Variants in WDR64 observed in about 807,000 individuals in gnomAD.
The protein encoded by WDR64 is WD repeat domain 64.
In WDR64, 112 loss-of-function variants were observed where a neutral mutation model predicts 139.3. The ratio of observed to expected loss-of-function variants is 0.80; its 90% CI spans 0.69 to 0.94. The LOEUF is 0.94. Ranked by LOEUF, WDR64 falls within the 40% of genes least tolerant of loss-of-function variation. The pLI is 0.00. For missense variants in WDR64, 1,206 were observed against 1,293.1 expected (o/e 0.93, Z 1.03); for synonymous variants, 444 against 437.7 (o/e 1.01, Z -0.18).
At chr1:241,714,225 A>G (rs1049379032) in intron 9 of WDR64, among the ~76,000 whole-genome samples, 3 of 152,228 alleles carry the variant, frequency 2.0e-5, no homozygotes, top group Non-Finnish European at 4.4e-5. Context: ...CAGAAACACA[A>G]ACAAACATCA....
intron 8 of WDR64, among the ~76,000 whole-genome samples, chr1:241,689,320 C>T (rs1396465579): frequency 6.6e-6 from 1 of 152,032 alleles, no homozygotes. Flanking sequence ...AAAACAAGAC[C>T]CAACTATATG....
At chr1:241,772,169 A>G (rs1183361963) in intron 19 of WDR64, among the ~76,000 whole-genome samples, 2 of 149,102 alleles carry the variant, frequency 1.3e-5, no homozygotes, top group African/African-American at 4.9e-5. Flanking sequence ...ACCATTCTGT[A>G]TGTATAAGAT....
chr1:241,792,648 G>A (rs568951617), intron 25 of WDR64, among the ~76,000 whole-genome samples: 1 of 152,274 alleles, frequency 6.6e-6, no homozygotes, highest in African/African-American at 2.4e-5. Flanking sequence ...CCACAAAATG[G>A]TTTAAAATAA....
intron 2 of WDR64, among the ~76,000 whole-genome samples, chr1:241,662,053 T>C (rs555664774): frequency 3.5e-4 from 53 of 152,238 alleles, no homozygotes; most frequent in South Asian, 1.0e-3. Flanking sequence ...AAAAAAGATG[T>C]CTAATAAGAA....
chr1:241,751,153 C>T (rs1223540194), intron 14 of WDR64, among the ~76,000 whole-genome samples: 1 of 152,012 alleles, frequency 6.6e-6, no homozygotes, highest in African/African-American at 2.4e-5. Context: ...CCATGAAATG[C>T]ATAATTTAAT....
At chr1:241,729,739 T>C (rs569918726) in intron 10 of WDR64, among the ~76,000 whole-genome samples, 1 of 152,354 alleles carries the variant, frequency 6.6e-6, no homozygotes, top group East Asian at 1.9e-4. Flanking sequence ...ATAGAAAAAC[T>C]AACCTTTTAA....
rs753695098 is a variant in WDR64, at chr1:241,723,378, TCG to T, written c.1138_1139del (p.Ala380ArgfsTer6). On this transcript the variant is annotated frameshift_variant, in exon 10 of 28. Coordinates refer to ENST00000437684, the MANE Select transcript of WDR64 (RefSeq NM_001367482.1). LOFTEE classifies it high-confidence loss of function. ...AAACTTGTAGGACACATGTTCAGTA[TCG>T]CCGAGATCGTAACCAATGAAAAAGA... 11 of 1,613,858 alleles carry T rather than the reference TCG, an allele frequency of 6.8e-6. No homozygotes were observed. The South Asian group carries it at 1.2e-4, about 18-fold the overall frequency.
At position 241,775,127 on chromosome 1, in the gene WDR64, T is replaced by C; in HGVS notation, c.2453T>C (p.Leu818Pro). The change falls in exon 21 of 28, where the codon CTA (leucine) becomes CCA (proline). Residue 818 changes from leucine (L) to proline (P), a missense_variant. Physicochemically the swap from Leu to Pro is moderately conservative, Grantham distance 98. Transcript: ENST00000437684. ...TAGGGAAGACTACTGAAAGATATGC[T>C]ACCTTTCACAAAACATTCTGCCATT... is the stretch of plus-strand genomic sequence containing the variant. ...TLEGRLLKDM[L>P]PFTKHSAISL... 6.4e-7 allele frequency: 1 copy of C among 1,551,106 alleles called. No individual in the cohort carries two copies. Among genetic ancestry groups the C allele is most frequent in the Non-Finnish European group, 8.7e-7 (1 of 1,146,876 alleles).
chr1:241,760,175 A>G (rs1444400252), intron 15 of WDR64, among the ~76,000 whole-genome samples: 1 of 152,176 alleles, frequency 6.6e-6, no homozygotes, highest in Non-Finnish European at 1.5e-5. Context: ...GCTGCCATGA[A>G]CATGGGTGTA....
At chr1:241,663,444 C>T (rs749593209) in intron 2 of WDR64, among the ~76,000 whole-genome samples, 18 of 152,242 alleles carry the variant, frequency 1.2e-4, no homozygotes, top group Non-Finnish European at 2.5e-4. Context: ...TGGCCACCCC[C>T]TCAGAACTAG....
intron 7 of WDR64, 96 bp downstream of exon 7, chr1:241,683,797 C>T (rs1666909453): frequency 1.9e-6 from 2 of 1,076,898 alleles, no homozygotes; most frequent in South Asian, 2.1e-5. Context: ...ATTTAAATTA[C>T]AGAAAATAAG....
chr1:241,712,305 A>G (rs1668204068), intron 9 of WDR64, among the ~76,000 whole-genome samples: 1 of 152,222 alleles, frequency 6.6e-6, no homozygotes, highest in Non-Finnish European at 1.5e-5. Context: ...AAAAAGGTCA[A>G]GAGCCAATGG....
intron 11 of WDR64, among the ~76,000 whole-genome samples, chr1:241,739,102 C>A (rs950339707): frequency 6.6e-6 from 1 of 152,168 alleles, no homozygotes; most frequent in African/African-American, 2.4e-5. Flanking sequence ...TGCCTCTCGA[C>A]GAAGACCAAT....
chr1:241,795,527 T>C (rs1378585031), intron 26 of WDR64, among the ~76,000 whole-genome samples: 1 of 152,220 alleles, frequency 6.6e-6, no homozygotes, highest in Non-Finnish European at 1.5e-5. Context: ...TGTTGGCTTG[T>C]CAACTACAGG....
At chr1:241,653,983 T>G (rs1665474742) in intron 1 of WDR64, among the ~76,000 whole-genome samples, 2 of 152,212 alleles carry the variant, frequency 1.3e-5, no homozygotes, top group Non-Finnish European at 2.9e-5. Context: ...GTTTTACCTC[T>G]CTCTAATTGG....
At chr1:241,786,479 T>G (rs568677645) in intron 23 of WDR64, among the ~76,000 whole-genome samples, 2 of 152,336 alleles carry the variant, frequency 1.3e-5, no homozygotes, top group Middle Eastern at 3.4e-3. Context: ...TTAAACCACA[T>G]GGGCTATTTA....
At chr1:241,724,658 C>A (rs2148203357) in intron 10 of WDR64, among the ~76,000 whole-genome samples, 1 of 152,236 alleles carries the variant, frequency 6.6e-6, no homozygotes, top group South Asian at 2.1e-4. Flanking sequence ...CATAGAAATT[C>A]TAGATTTCCA....
At chr1:241,689,975 A>G (rs545391303) in intron 8 of WDR64, among the ~76,000 whole-genome samples, 2 of 152,258 alleles carry the variant, frequency 1.3e-5, no homozygotes, top group Admixed American at 6.5e-5. Flanking sequence ...TGAAAAGTGT[A>G]ACATATGTGT....
intron 10 of WDR64, among the ~76,000 whole-genome samples, chr1:241,736,441 A>G (rs758713398): frequency 6.8e-6 from 1 of 147,956 alleles, no homozygotes. Context: ...AAAGAGTAGG[A>G]GTTAGCTAGA....
Sources: allele counts gnomAD v4.1 joint callset (sites outside exome capture counted in the v4.1 genomes callset), GRCh38; gene constraint gnomAD v4.1.1; transcripts MANE v1.5; gene names NCBI Gene and HGNC (gene_info 2026-07-23, HGNC 2026-07-21).